Variants in PCDH15 observed in about 807,000 individuals in gnomAD.
PCDH15 encodes protocadherin related 15, also known as protocadherin-15.
A neutral mutation model predicts 178.5 loss-of-function variants in PCDH15; 129 were observed. That is an observed-to-expected ratio of 0.72 (90% CI 0.63 to 0.84). The LOEUF (loss-of-function observed/expected upper bound fraction) is 0.84. Among genes scored for constraint, PCDH15 ranks in the 40% least tolerant of loss-of-function variants. PCDH15 has a pLI of 0.00. For synonymous variants in PCDH15, 800 were observed against 732.0 expected (o/e 1.09, Z -1.50); for missense variants, 2,230 against 2,099.9 (o/e 1.06, Z -1.21).
At chr10:54,301,690 T>TG (rs1297874066) in intron 8 of PCDH15, among the ~76,000 whole-genome samples, 3 of 152,136 alleles carry the variant, frequency 2.0e-5, no homozygotes, top group Admixed American at 6.6e-5. Flanking sequence ...GATGAATTTG[T>TG]GTGAAATGGT....
Position 54,020,303 on chromosome 10 carries a change from T to C in PCDH15, c.2640A>G (p.Leu880=), listed in dbSNP as rs1589950165. Reference sequence around the variant, plus strand: ...CTTGGTCTGGAAATGCCTCATAATCTAAACTCCTTAAAAGCGATAGTTCTC... The same window carrying C: ...CTTGGTCTGGAAATGCCTCATAATCCAAACTCCTTAAAAGCGATAGTTCTC... The part of the protein sequence containing the change: ...FTGELSLLRS[L]DYEAFPDQEA... Residue 880 remains leucine, a synonymous_variant, in exon 20 of 38, where the codon TTA becomes TTG. Transcript: ENST00000644397. 1 of 1,613,850 alleles carries C rather than the reference T, an allele frequency of 6.2e-7. No homozygotes were observed. The highest frequency in any genetic ancestry group is 8.5e-7 in the Non-Finnish European group (1 of 1,179,822).
intron 1 of PCDH15, among the ~76,000 whole-genome samples, chr10:55,284,897 T>C (rs940495889): frequency 6.6e-6 from 1 of 151,884 alleles, no homozygotes; most frequent in Non-Finnish European, 1.5e-5. Flanking sequence ...CTTCTGAATA[T>C]TCATAGGGAA....
intron 2 of PCDH15, among the ~76,000 whole-genome samples, chr10:54,652,372 T>C (rs939795981): frequency 1.3e-5 from 2 of 152,168 alleles, no homozygotes; most frequent in Admixed American, 1.3e-4. Context: ...CAGGGACACC[T>C]GGAATAGCTC....
At chr10:54,686,041 A>ATTTTTTTTTTTTTTTTTTTTTTTTTT (rs66539612) in intron 1 of PCDH15, among the ~76,000 whole-genome samples, 3 of 126,880 alleles carry the variant, frequency 2.4e-5, no homozygotes, top group Non-Finnish European at 3.2e-5. Context: ...AAGACAGCCA[A>ATTTTTTTTTTTTTTTTTTTTTTTTTT]TTTTTTTTTT....
At chr10:54,246,825 T>G (rs1258288455) in intron 8 of PCDH15, among the ~76,000 whole-genome samples, 17 of 151,966 alleles carry the variant, frequency 1.1e-4, no homozygotes, top group African/African-American at 3.9e-4. Context: ...TTTACCAATT[T>G]CAGTCTCTTA....
At chr10:55,339,999 T>C (rs1844507242) in intron 2 of PCDH15, among the ~76,000 whole-genome samples, 2 of 151,628 alleles carry the variant, frequency 1.3e-5, no homozygotes, top group African/African-American at 2.4e-5. Context: ...TCGTATCTTA[T>C]CTACACAATT....
At chr10:54,324,730 A>G (rs1194478795) in intron 7 of PCDH15, among the ~76,000 whole-genome samples, 3 of 152,142 alleles carry the variant, frequency 2.0e-5, no homozygotes, top group Non-Finnish European at 2.9e-5. Flanking sequence ...ACCCCCCTGC[A>G]CTACAGCCTG....
intron 3 of PCDH15, among the ~76,000 whole-genome samples, chr10:54,487,867 T>A (rs1462546171): frequency 6.6e-6 from 1 of 151,878 alleles, no homozygotes; most frequent in African/African-American, 2.4e-5. Flanking sequence ...CCTTTCATTT[T>A]AAACAAACAA....
chr10:53,811,291 AAATAATTTTG>A (rs2075854962), intron 36 of PCDH15, among the ~76,000 whole-genome samples: 1 of 152,192 alleles, frequency 6.6e-6, no homozygotes, highest in African/African-American at 2.4e-5. Context: ...TTTCCCATAT[AAATAATTTTG>A]AATAATTTTA....
At chr10:54,132,800 A>G (rs2042546884) in intron 15 of PCDH15, 75 bp downstream of exon 15, 3 of 1,549,614 alleles carry the variant, frequency 1.9e-6, no homozygotes, top group East Asian at 2.4e-5. Flanking sequence ...ATACACAAAT[A>G]TAAACTCATT....
chr10:53,960,435 T>C (rs991806941), intron 22 of PCDH15, among the ~76,000 whole-genome samples: 7 of 152,224 alleles, frequency 4.6e-5, no homozygotes, highest in African/African-American at 1.2e-4. Context: ...TCATTTGGTA[T>C]AGCAGAAATT....
intron 26 of PCDH15, among the ~76,000 whole-genome samples, chr10:53,898,898 A>G (rs2082141947): frequency 6.6e-6 from 1 of 152,206 alleles, no homozygotes; most frequent in African/African-American, 2.4e-5. Flanking sequence ...AGTGTGAGGT[A>G]GGAGAAATAG....
chr10:53,949,730 G>GA (rs147359191), intron 23 of PCDH15, among the ~76,000 whole-genome samples: 11,238 of 147,322 alleles, frequency 0.076, 1,201 homozygotes, highest in African/African-American at 0.24. Context: ...TCTCTAAAAA[G>GA]AAAAAAAAAA....
At chr10:54,859,579 G>T (rs12415187) in intron 3 of PCDH15, among the ~76,000 whole-genome samples, 25,739 of 151,784 alleles carry the variant, frequency 0.17, 2,274 homozygotes, top group Middle Eastern at 0.2. Flanking sequence ...GCTTTTTCTA[G>T]TTCTGTCAGG....
chr10:54,872,271 A>G (rs1954053077), intron 3 of PCDH15, among the ~76,000 whole-genome samples: 1 of 152,070 alleles, frequency 6.6e-6, no homozygotes, highest in South Asian at 2.1e-4. Flanking sequence ...TCTTTTAGTT[A>G]TAAATGAAAA....
At chr10:55,527,866 T>C (rs1476504464) in intron 2 of PCDH15, among the ~76,000 whole-genome samples, 2 of 152,028 alleles carry the variant, frequency 1.3e-5, no homozygotes, top group African/African-American at 4.8e-5. Context: ...TTTTTTCTTC[T>C]GACAACAATG....
intron 20 of PCDH15, among the ~76,000 whole-genome samples, chr10:54,000,324 C>A (rs928133288): frequency 3.3e-5 from 5 of 152,004 alleles, no homozygotes; most frequent in Non-Finnish European, 7.4e-5. Flanking sequence ...ATGAAGTCAC[C>A]AAATGAACTA....
At chr10:54,045,542 G>C (rs1031832306) in intron 18 of PCDH15, among the ~76,000 whole-genome samples, 2 of 152,000 alleles carry the variant, frequency 1.3e-5, no homozygotes, top group Non-Finnish European at 2.9e-5. Context: ...TGCAAGACTA[G>C]ACTAATAAAC....
chr10:53,874,322 C>T (rs1589193555), intron 26 of PCDH15, among the ~76,000 whole-genome samples: 1 of 152,192 alleles, frequency 6.6e-6, no homozygotes, highest in Non-Finnish European at 1.5e-5. Context: ...ACCACTGCTA[C>T]TATCACCCCA....
Sources: allele counts gnomAD v4.1 joint callset (sites outside exome capture counted in the v4.1 genomes callset), GRCh38; gene constraint gnomAD v4.1.1; transcripts MANE v1.5; gene names NCBI Gene and HGNC (gene_info 2026-07-23, HGNC 2026-07-21).